DNAH3: variants seen among roughly 807,000 people sequenced by gnomAD.
DNAH3 encodes the protein axonemal beta dynein heavy chain 3.
In DNAH3, 332 loss-of-function variants were observed where a neutral mutation model predicts 432.5. The ratio of observed to expected loss-of-function variants is 0.77; its 90% CI spans 0.70 to 0.84. The LOEUF (loss-of-function observed/expected upper bound fraction) is 0.84, where lower values mean the gene tolerates loss of function less well. DNAH3 is among the 40% of genes least tolerant of loss of function. The probability of loss-of-function intolerance (pLI) is 0.00; values close to 1 mark genes in which losing one functional copy is unlikely to be tolerated. For missense variants in DNAH3, 4,861 were observed against 5,114.0 expected (o/e 0.95, Z 1.51); for synonymous variants, 1,956 against 1,900.2 (o/e 1.03, Z -0.76).
intron 1 of DNAH3, among the ~76,000 whole-genome samples, chr16:21,155,245 G>A (rs897711630): frequency 2.0e-5 from 3 of 151,750 alleles, no homozygotes; most frequent in Non-Finnish European, 4.4e-5. Flanking sequence ...CACCATGCCC[G>A]GCCTTGTTTC....
At position 20,969,728 on chromosome 16, in the gene DNAH3, G is replaced by A. The variant is rs1258015006; in HGVS notation, c.8458+64C>T. The A allele has an allele frequency of 3.2e-6, 5 of 1,567,482 alleles. No homozygotes were observed. The African/African-American group carries it at 5.4e-5, about 17-fold the overall frequency. ...TGCAGTCGACTTGGGGATGCAGTGG[G>A]TGCTGGCACCCCACTGCCAGGAAAG... On this transcript the variant is annotated intron_variant, in intron 52 of 61. Coordinates refer to ENST00000261383, the Ensembl canonical transcript of DNAH3.
intron 44 of DNAH3, among the ~76,000 whole-genome samples, chr16:20,996,492 T>C (rs566873103): frequency 3.9e-5 from 6 of 152,114 alleles, no homozygotes; most frequent in African/African-American, 1.4e-4. Flanking sequence ...CAGAGTCTCA[T>C]TCTGTTGCCC....
chr16:21,002,532 G>T (rs1184722400), intron 42 of DNAH3, among the ~76,000 whole-genome samples: 1 of 151,856 alleles, frequency 6.6e-6, no homozygotes, highest in East Asian at 1.9e-4. Context: ...CGCGATCTCG[G>T]CTCACTGAAA....
rs185669864 is a variant in DNAH3 at position 21,158,987 on chromosome 16, C to T, written c.117+338G>A. Among the ~76,000 whole-genome samples, 8 of 151,880 alleles carry T rather than the reference C, an allele frequency of 5.3e-5. No homozygotes were observed. The East Asian group carries it at 1.6e-3, about 30-fold the overall frequency. ...CTCCCCACCCCTAAATGCACACTCA[C>T]CCCGCCACCCCCCAACACACACACA... On this transcript the variant is annotated intron_variant, in intron 1 of 61. Transcript: ENST00000261383.
At chr16:20,948,637 C>T in exon 57 of DNAH3, 1 of 1,614,052 alleles carries the variant, frequency 6.2e-7, no homozygotes, top group African/African-American at 1.3e-5. Flanking sequence ...ATTACATTCC[C>T]CTGGGGACAA....
At chr16:20,940,426 T>C (rs1014290623) in intron 59 of DNAH3, among the ~76,000 whole-genome samples, 2 of 151,898 alleles carry the variant, frequency 1.3e-5, no homozygotes, top group Non-Finnish European at 2.9e-5. Flanking sequence ...CAAAAGACTA[T>C]TGTGTAATTT....
chr16:21,086,723 G>A, intron 19 of DNAH3, 126 bp downstream of exon 19: 1 of 810,386 alleles, frequency 1.2e-6, no homozygotes, highest in Non-Finnish European at 2.0e-6. Flanking sequence ...CTATCCCTTT[G>A]CCCTTAAATA....
chr16:21,145,908 CA>C, intron 2 of DNAH3, 75 bp downstream of exon 3: 1 of 969,562 alleles, frequency 1.0e-6, no homozygotes, highest in Non-Finnish European at 1.7e-6. Flanking sequence ...GAGTACCTGC[CA>C]AATACGGAGA....
At chr16:21,020,446 A>G (rs551249175) in intron 40 of DNAH3, among the ~76,000 whole-genome samples, 99 of 110,418 alleles carry the variant, frequency 9.0e-4, no homozygotes, top group African/African-American at 3.6e-3. Flanking sequence ...TCTGTCGCCC[A>G]TGCTGGAGTG....
chr16:21,040,358 A>AGT (rs2089377392), intron 32 of DNAH3, among the ~76,000 whole-genome samples: 1 of 79,712 alleles, frequency 1.3e-5, no homozygotes, highest in Non-Finnish European at 2.2e-5. Flanking sequence ...AGCCAGACAG[A>AGT]TTTTTTTTTT....
intron 17 of DNAH3, among the ~76,000 whole-genome samples, chr16:21,098,400 C>T (rs1223607539): frequency 6.9e-6 from 1 of 144,520 alleles, no homozygotes; most frequent in Non-Finnish European, 1.5e-5. Flanking sequence ...GGTCACATTA[C>T]TGCACTCCAG....
At chr16:21,124,275 T>G (rs2092402121) in intron 9 of DNAH3, among the ~76,000 whole-genome samples, 1 of 152,162 alleles carries the variant, frequency 6.6e-6, no homozygotes, top group African/African-American at 2.4e-5. Flanking sequence ...AACAAACCTT[T>G]TCCAACCCCT....
chr16:20,948,485 G>C, exon 57 of DNAH3: 2 of 1,613,178 alleles, frequency 1.2e-6, no homozygotes, highest in Non-Finnish European at 1.7e-6. Context: ...CCCCTTACCT[G>C]GTAGGAGCCA....
intron 16 of DNAH3, among the ~76,000 whole-genome samples, chr16:21,102,011 G>A (rs1049464979): frequency 1.3e-5 from 2 of 152,258 alleles, no homozygotes; most frequent in Non-Finnish European, 2.9e-5. Flanking sequence ...TTCTTGCAGA[G>A]GAAGCAAGAT....
exon 53 of DNAH3, chr16:20,965,195 C>T (rs199565346): frequency 1.1e-5 from 18 of 1,614,076 alleles, no homozygotes; most frequent in South Asian, 2.2e-5. Context: ...ACCTTGGCCA[C>T]GCGATCGTAC....
intron 33 of DNAH3, among the ~76,000 whole-genome samples, chr16:21,038,516 C>A (rs1331331617): frequency 1.3e-5 from 2 of 152,078 alleles, no homozygotes; most frequent in Non-Finnish European, 2.9e-5. Context: ...AGATTGGCTG[C>A]GTTCAGTGTG....
At chr16:21,067,772 G>GGGGGGGGGA (rs1555545837) in intron 23 of DNAH3, among the ~76,000 whole-genome samples, 1 of 23,716 alleles carries the variant, frequency 4.2e-5, no homozygotes, top group Non-Finnish European at 7.1e-5. Flanking sequence ...GGGGGGGTGG[G>GGGGGGGGGA]GAGGGAGAGA....
intron 51 of DNAH3, among the ~76,000 whole-genome samples, chr16:20,971,855 T>C (rs557912718): frequency 6.6e-6 from 1 of 152,346 alleles, no homozygotes; most frequent in African/African-American, 2.4e-5. Flanking sequence ...ACAGCAGTTT[T>C]GAAGAATCAC....
intron 54 of DNAH3, 104 bp from the exon 55 acceptor site, chr16:20,955,161 G>T: frequency 8.6e-7 from 1 of 1,167,514 alleles, no homozygotes. Context: ...ACCAGCCTGG[G>T]TAACATGGTA....
Sources: allele counts gnomAD v4.1 joint callset (sites outside exome capture counted in the v4.1 genomes callset), GRCh38; gene constraint gnomAD v4.1.1; transcripts MANE v1.5; gene names NCBI Gene and HGNC (gene_info 2026-07-23, HGNC 2026-07-21).